DTHD1: variants seen among roughly 807,000 people sequenced by gnomAD.
The protein encoded by DTHD1 is death domain containing 1.
Under a neutral mutation model 74.8 loss-of-function variants are expected in DTHD1, and 59 were observed. That is an observed-to-expected ratio of 0.79 (90% CI 0.64 to 0.98). DTHD1 has a LOEUF of 0.98. DTHD1 is among the 50% of genes least tolerant of loss of function. The pLI, the probability that DTHD1 is intolerant of heterozygous loss-of-function variation, is 0.00. For synonymous variants in DTHD1, 365 were observed against 371.1 expected, an observed-to-expected ratio of 0.98 and a Z score of 0.19; for missense variants, 1,051 against 1,065.4, an observed-to-expected ratio of 0.99 and a Z score of 0.19.
In DTHD1 at chr4:36,314,747, GTTTTTTTTT is replaced by G. The variant is rs747523259; in HGVS notation, c.2096-1480_2096-1472del. 1.0e-4 allele frequency among the ~76,000 whole-genome samples: 10 copies of G among 98,010 alleles called. No homozygotes were observed. The East Asian group carries it at 2.4e-3, about 23-fold the overall frequency. 64.3% of individuals were successfully genotyped at this position (98,010 alleles called of 152,430 possible). Reference sequence around the variant, plus strand: ...CTTGACATTTCTTTAAACAATCTGAGTTTTTTTTTTTTTTTTTTTTTTTGCATGCAAATT... The same window carrying G: ...CTTGACATTTCTTTAAACAATCTGAGTTTTTTTTTTTTTTGCATGCAAATT... On this transcript the variant is annotated intron_variant, in intron 7 of 9. Coordinates refer to ENST00000639862, the MANE Select transcript of DTHD1 (RefSeq NM_001170700.3).
Position 36,308,389 on chromosome 4 carries a change from T to A in DTHD1, c.1991T>A (p.Leu664Gln). ...SKDLSQVLKDLHLEGFGGPPE... is the reference protein window; with the variant it reads ...SKDLSQVLKDQHLEGFGGPPE... The stretch of plus-strand genomic sequence containing the variant: ...GATTTAAGCCAGGTGCTTAAGGACC[T>A]GCACTTGGAAGGGTTTGGAGGACCT... Residue 664 changes from leucine (L) to glutamine (Q), a missense_variant, in exon 7 of 10, where the codon CTG becomes CAG. Transcript: ENST00000639862. 1 of 1,551,852 alleles carries A rather than the reference T, an allele frequency of 6.4e-7. No homozygotes were observed.
At chr4:36,310,434 C>A (rs1560801675) in intron 7 of DTHD1, among the ~76,000 whole-genome samples, 1 of 152,160 alleles carries the variant, frequency 6.6e-6, no homozygotes, top group Non-Finnish European at 1.5e-5. Flanking sequence ...CTTCCTCTTT[C>A]TAACTGCTTG....
At chr4:36,313,983 C>T (rs796153728) in intron 7 of DTHD1, among the ~76,000 whole-genome samples, 69 of 150,528 alleles carry the variant, frequency 4.6e-4, no homozygotes, top group African/African-American at 1.6e-3. Context: ...TAAATGACCC[C>T]AAATAGTCTA....
intron 7 of DTHD1, among the ~76,000 whole-genome samples, chr4:36,310,878 G>A (rs1315021003): frequency 6.6e-6 from 1 of 152,132 alleles, no homozygotes; most frequent in Non-Finnish European, 1.5e-5. Flanking sequence ...AGAGGAGGGA[G>A]AGGAAGGAAG....
intron 2 of DTHD1, among the ~76,000 whole-genome samples, chr4:36,287,907 G>A (rs1295968321): frequency 1.3e-5 from 2 of 152,060 alleles, no homozygotes; most frequent in Non-Finnish European, 2.9e-5. Flanking sequence ...TATATAGATT[G>A]AGAAGATTTT....
intron 8 of DTHD1, among the ~76,000 whole-genome samples, chr4:36,325,930 C>T (rs776096741): frequency 2.0e-5 from 3 of 152,098 alleles, no homozygotes; most frequent in Non-Finnish European, 4.4e-5. Context: ...TGATTTTTCT[C>T]AAAAACAAAT....
chr4:36,311,576 AT>A (rs963972023), intron 7 of DTHD1: 3 of 146,618 alleles, frequency 2.0e-5, no homozygotes, highest in Non-Finnish European at 4.5e-5. Context: ...ACCTTATTTT[AT>A]TTTTTAATAG....
chr4:36,293,191 C>T (rs915519670), intron 3 of DTHD1, among the ~76,000 whole-genome samples: 1 of 152,118 alleles, frequency 6.6e-6, no homozygotes, highest in Non-Finnish European at 1.5e-5. Context: ...AATCGATTCT[C>T]GCTAATGGAG....
intron 8 of DTHD1, among the ~76,000 whole-genome samples, chr4:36,318,430 T>C (rs1392720840): frequency 6.6e-6 from 1 of 152,058 alleles, no homozygotes; most frequent in Non-Finnish European, 1.5e-5. Flanking sequence ...AGAGGAACAG[T>C]CTCCTGGCGA....
chr4:36,293,978 A>G (rs1756240990), intron 4 of DTHD1, among the ~76,000 whole-genome samples: 1 of 151,994 alleles, frequency 6.6e-6, no homozygotes, highest in South Asian at 2.1e-4. Flanking sequence ...TTTATTGGGA[A>G]AATTTATGTT....
At chr4:36,326,425 A>C (rs1396205784) in intron 8 of DTHD1, among the ~76,000 whole-genome samples, 1 of 151,332 alleles carries the variant, frequency 6.6e-6, no homozygotes, top group Non-Finnish European at 1.5e-5. Flanking sequence ...AAAAAAAAAA[A>C]AACCTTAAAT....
intron 8 of DTHD1, among the ~76,000 whole-genome samples, chr4:36,319,540 A>G (rs992636065): frequency 2.0e-5 from 3 of 152,180 alleles, no homozygotes; most frequent in Non-Finnish European, 4.4e-5. Flanking sequence ...CTTTGCTGCC[A>G]TAAGAGGATG....
At chr4:36,318,670 A>C (rs1757877592) in intron 8 of DTHD1, among the ~76,000 whole-genome samples, 2 of 132,698 alleles carry the variant, frequency 1.5e-5, no homozygotes, top group South Asian at 4.6e-4. Context: ...GCTGGAGTGC[A>C]GTGGCGCGAT....
chr4:36,323,467 G>T (rs950918034), intron 8 of DTHD1, among the ~76,000 whole-genome samples: 3 of 151,690 alleles, frequency 2.0e-5, no homozygotes, highest in Admixed American at 2.0e-4. Flanking sequence ...ATTAAAAAAT[G>T]TTTACATCCA....
At chr4:36,306,511 G>A (rs1216684041) in intron 6 of DTHD1, among the ~76,000 whole-genome samples, 159 bp downstream of exon 6, 1 of 152,094 alleles carries the variant, frequency 6.6e-6, no homozygotes, top group Non-Finnish European at 1.5e-5. Context: ...AATTGACATG[G>A]GTATGCTATC....
chr4:36,324,843 T>C (rs1263542400), intron 8 of DTHD1, among the ~76,000 whole-genome samples: 2 of 152,170 alleles, frequency 1.3e-5, no homozygotes, highest in Non-Finnish European at 1.5e-5. Context: ...AATAGTAAGA[T>C]GTTAAATGCT....
At chr4:36,315,256 C>G (rs75068831) in intron 7 of DTHD1, among the ~76,000 whole-genome samples, 3,040 of 152,254 alleles carry the variant, frequency 0.02, 61 homozygotes, top group Middle Eastern at 0.048. Context: ...CACAAAAGCT[C>G]TAGAATTTTC....
intron 9 of DTHD1, among the ~76,000 whole-genome samples, chr4:36,339,492 T>C (rs1759198433): frequency 6.6e-6 from 1 of 152,240 alleles, no homozygotes; most frequent in Non-Finnish European, 1.5e-5. Context: ...ATGTTGACTC[T>C]TAAGTTGTAA....
At chr4:36,303,044 T>C (rs977672599) in intron 5 of DTHD1, among the ~76,000 whole-genome samples, 3 of 152,210 alleles carry the variant, frequency 2.0e-5, no homozygotes, top group Non-Finnish European at 4.4e-5. Flanking sequence ...CATTTTAATC[T>C]GTAGCCTCAG....
Sources: gnomAD v4.1 joint callset for allele counts (sites outside exome capture counted in the v4.1 genomes callset) on GRCh38, gnomAD v4.1.1 for gene constraint, MANE v1.5 for transcripts, NCBI Gene and HGNC (gene_info 2026-07-23, HGNC 2026-07-21) for gene names.